Variants in CACNA2D1 observed in about 807,000 individuals in gnomAD.
CACNA2D1 encodes the protein calcium voltage-gated channel auxiliary subunit alpha2delta 1, also known as voltage-dependent calcium channel subunit alpha-2/delta-1.
Under a neutral mutation model 171.5 loss-of-function variants are expected in CACNA2D1, and 53 were observed. That is an observed-to-expected ratio of 0.31 (90% CI 0.25 to 0.39). The LOEUF (loss-of-function observed/expected upper bound fraction) is 0.39, where lower values mean the gene tolerates loss of function less well. Among genes scored for constraint, CACNA2D1 ranks in the 10% least tolerant of loss-of-function variants. CACNA2D1 has a pLI of 1.00. For synonymous variants in CACNA2D1, 442 were observed against 443.1 expected, an observed-to-expected ratio of 1.00 and a Z score of 0.03; for missense variants, 903 against 1,299.8, an observed-to-expected ratio of 0.69 and a Z score of 4.69.
chr7:82,131,096 C>A (rs1790927433), intron 5 of CACNA2D1, among the ~76,000 whole-genome samples: 1 of 152,090 alleles, frequency 6.6e-6, no homozygotes. Flanking sequence ...GCCACCGCGC[C>A]GGCCAGCTCT....
Position 82,401,580 on chromosome 7 carries a change from T to G in CACNA2D1, c.95+41785A>C, listed in dbSNP as rs574841374. Among the ~76,000 whole-genome samples, 3 of 138,500 alleles carry G rather than the reference T, an allele frequency of 2.2e-5. No homozygotes were observed. In the East Asian group the frequency reaches 7.6e-4, roughly 35 times the overall value. 90.9% of individuals were successfully genotyped at this position (138,500 alleles called of 152,430 possible). A position where few individuals can be genotyped will look rare whatever the true frequency, so the allele number is the denominator to read the frequency against. On this transcript the variant is annotated intron_variant, in intron 1 of 38. Coordinates refer to ENST00000356860, the MANE Select transcript of CACNA2D1 (RefSeq NM_000722.4). ...GTGGGGTGAGGGGAGGGGGGAGGGATAGCATTAGGAGATATACCTAATGCT... is the reference window on the plus strand; with the variant it reads ...GTGGGGTGAGGGGAGGGGGGAGGGAGAGCATTAGGAGATATACCTAATGCT...
intron 4 of CACNA2D1, among the ~76,000 whole-genome samples, chr7:82,163,163 T>C (rs1317825229): frequency 6.6e-6 from 1 of 152,106 alleles, no homozygotes; most frequent in Non-Finnish European, 1.5e-5. Flanking sequence ...TAAATGGAAA[T>C]ATATATTAGT....
At chr7:82,299,060 C>CAAAA (rs11438533) in intron 3 of CACNA2D1, among the ~76,000 whole-genome samples, 1 of 111,868 alleles carries the variant, frequency 8.9e-6, no homozygotes, top group Non-Finnish European at 1.9e-5. Flanking sequence ...GAGACTCTGT[C>CAAAA]AAAAAAAAAA....
chr7:82,154,722 G>C (rs1334604402), intron 4 of CACNA2D1, among the ~76,000 whole-genome samples: 1 of 152,130 alleles, frequency 6.6e-6, no homozygotes, highest in Non-Finnish European at 1.5e-5. Flanking sequence ...TCTGTTTTCA[G>C]ATTGTATAAA....
chr7:82,412,599 T>C (rs1316297065), intron 1 of CACNA2D1, among the ~76,000 whole-genome samples: 1 of 151,912 alleles, frequency 6.6e-6, no homozygotes, highest in Non-Finnish European at 1.5e-5. Context: ...TTGTAACTAT[T>C]TAAACCATTT....
chr7:82,241,593 C>T (rs1203113982), intron 3 of CACNA2D1, among the ~76,000 whole-genome samples: 1 of 151,978 alleles, frequency 6.6e-6, no homozygotes. Context: ...CACCATCTCA[C>T]ATTTCAGATC....
chr7:82,020,821 A>G (rs1340343277), intron 12 of CACNA2D1: 1 of 152,134 alleles, frequency 6.6e-6, no homozygotes, highest in South Asian at 2.1e-4. Context: ...TATGACCAAC[A>G]TATGTGCTAG....
chr7:82,137,429 G>A (rs557648987), intron 4 of CACNA2D1, among the ~76,000 whole-genome samples: 1 of 152,256 alleles, frequency 6.6e-6, no homozygotes, highest in East Asian at 1.9e-4. Context: ...TCTATGTAGT[G>A]TAAAAATAAT....
At chr7:82,235,146 T>C (rs1803410118) in intron 3 of CACNA2D1, among the ~76,000 whole-genome samples, 1 of 152,128 alleles carries the variant, frequency 6.6e-6, no homozygotes, top group Non-Finnish European at 1.5e-5. Flanking sequence ...TTATGTTCTT[T>C]TTTTTTAAAA....
intron 2 of CACNA2D1, among the ~76,000 whole-genome samples, chr7:82,347,241 A>G (rs1819354149): frequency 6.6e-6 from 1 of 152,162 alleles, no homozygotes; most frequent in South Asian, 2.1e-4. Context: ...GGATACAATA[A>G]AGCAATTTTC....
At chr7:82,431,151 T>C (rs150509810) in intron 1 of CACNA2D1, among the ~76,000 whole-genome samples, 195 of 152,314 alleles carry the variant, frequency 1.3e-3, no homozygotes, top group African/African-American at 4.4e-3. Context: ...CCTTTTATGA[T>C]GAAAGACTGC....
intron 1 of CACNA2D1, chr7:82,410,369 G>A (rs113445356): frequency 5.4e-5 from 14 of 258,372 alleles, no homozygotes; most frequent in South Asian, 2.9e-4. Flanking sequence ...CCATCATAGC[G>A]GTTTACCTAA....
intron 3 of CACNA2D1, among the ~76,000 whole-genome samples, chr7:82,192,475 TGTGTGTGTGTGTG>T (rs762214138): frequency 4.0e-4 from 13 of 32,152 alleles, no homozygotes; most frequent in Non-Finnish European, 1.2e-3. Flanking sequence ...TGTGTGTGTG[TGTGTGTGTGTGTG>T]TGTGTGTGTG....
chr7:82,055,930 G>GTGTATATATA (rs71093357), intron 10 of CACNA2D1, among the ~76,000 whole-genome samples: 3 of 111,476 alleles, frequency 2.7e-5, no homozygotes, highest in African/African-American at 1.1e-4. Flanking sequence ...GTGTGTGTGT[G>GTGTATATATA]TATATATATA....
chr7:82,299,020 G>A (rs918724507), intron 3 of CACNA2D1, among the ~76,000 whole-genome samples: 6 of 143,484 alleles, frequency 4.2e-5, no homozygotes, highest in Non-Finnish European at 7.5e-5. Context: ...CTGAGATCAC[G>A]CCATTGCACC....
chr7:81,971,096 C>T (rs1047553081), intron 26 of CACNA2D1: 1 of 247,718 alleles, frequency 4.0e-6, no homozygotes, highest in Non-Finnish European at 7.9e-6. Flanking sequence ...AGGAGAGAAA[C>T]AGTAAGAAGT....
At chr7:82,190,931 A>C (rs1414808848) in intron 3 of CACNA2D1, among the ~76,000 whole-genome samples, 4 of 151,732 alleles carry the variant, frequency 2.6e-5, no homozygotes, top group Non-Finnish European at 1.5e-5. Context: ...ATGACACTAC[A>C]AAATTACAAA....
rs1562783979 is a variant in CACNA2D1, at chr7:81,962,511, A to AG, written c.2781-17_2781-16insC. 5 of 1,232,620 alleles carry AG rather than the reference A, an allele frequency of 4.1e-6. No homozygotes were observed. Among genetic ancestry groups the AG allele is most frequent in the Non-Finnish European group, 5.7e-6 (5 of 881,188 alleles). 76.4% of individuals were successfully genotyped at this position (1,232,620 alleles called of 1,614,324 possible). On this transcript the variant is annotated splice_polypyrimidine_tract_variant and intron_variant, in intron 34 of 38. Transcript: ENST00000356860. ...TAGAATAGACCTGAATTTTTCAAAT[A>AG]AAAAAAAAATAAACATCTAGGGAAA...
chr7:82,237,334 A>G (rs936023103), intron 3 of CACNA2D1, among the ~76,000 whole-genome samples: 6 of 151,942 alleles, frequency 3.9e-5, no homozygotes, highest in Non-Finnish European at 5.9e-5. Context: ...CTAAAGCTAG[A>G]TCAGCAAATT....
Sources: allele counts gnomAD v4.1 joint callset (sites outside exome capture counted in the v4.1 genomes callset), GRCh38; gene constraint gnomAD v4.1.1; transcripts MANE v1.5; gene names NCBI Gene and HGNC (gene_info 2026-07-23, HGNC 2026-07-21).